The following GFRA1 variants were observed in gnomAD, a reference collection of about 807,000 sequenced individuals.
GFRA1 encodes GDNF family receptor alpha-1.
A neutral mutation model predicts 51.6 loss-of-function variants in GFRA1; 16 were observed. The observed-to-expected ratio is 0.31, with a 90% CI of 0.21 to 0.47. GFRA1 has a LOEUF of 0.47. GFRA1 is among the 20% of genes least tolerant of loss of function. The pLI is 1.00. For synonymous variants in GFRA1, 270 were observed against 241.3 expected (o/e 1.12, Z -1.10); for missense variants, 530 against 594.3 (o/e 0.89, Z 1.13).
At chr10:116,150,404 C>T (rs909428100) in intron 5 of GFRA1, among the ~76,000 whole-genome samples, 2 of 152,296 alleles carry the variant, frequency 1.3e-5, no homozygotes, top group East Asian at 3.9e-4. Context: ...TGCTGCAGTT[C>T]CCGGTCAATA....
chr10:116,270,583 T>C (rs778275888), intron 3 of GFRA1, among the ~76,000 whole-genome samples: 25 of 152,184 alleles, frequency 1.6e-4, no homozygotes, highest in Admixed American at 3.9e-4. Flanking sequence ...GTCAGCGGGG[T>C]CCCGGGGGTG....
intron 7 of GFRA1, among the ~76,000 whole-genome samples, chr10:116,096,356 G>T (rs1405709377): frequency 6.6e-6 from 1 of 151,902 alleles, no homozygotes; most frequent in Non-Finnish European, 1.5e-5. Context: ...CTCTGCTTTT[G>T]TTCTGCGTGG....
chr10:116,123,633 A>C (rs1957734892), intron 6 of GFRA1, among the ~76,000 whole-genome samples: 1 of 152,182 alleles, frequency 6.6e-6, no homozygotes, highest in African/African-American at 2.4e-5. Context: ...AACCAATAGG[A>C]AACAAGTACA....
intron 5 of GFRA1, among the ~76,000 whole-genome samples, chr10:116,139,004 C>T (rs1958450574): frequency 6.6e-6 from 1 of 152,172 alleles, no homozygotes; most frequent in African/African-American, 2.4e-5. Context: ...CACTCTGTCT[C>T]CCACAGGAAT....
At chr10:116,257,804 C>T (rs1037558486) in intron 4 of GFRA1, among the ~76,000 whole-genome samples, 1 of 152,226 alleles carries the variant, frequency 6.6e-6, no homozygotes, top group Non-Finnish European at 1.5e-5. Flanking sequence ...TTCCCATCTT[C>T]GATGACAAAG....
Position 116,270,824 on chromosome 10 carries a change from T to G in GFRA1, c.332A>C (p.Gln111Pro). 1.9e-6 allele frequency: 3 copies of G among 1,612,032 alleles called. No individual in the cohort carries two copies. The highest frequency in any genetic ancestry group is 2.5e-6 in the Non-Finnish European group (3 of 1,178,866). ...GGGTGGGGAGGTTCCACGCGTACCCTGCAGGCTCTGGTACATGCTCCAGTA... is the reference window on the plus strand; with the variant it reads ...GGGTGGGGAGGTTCCACGCGTACCCGGCAGGCTCTGGTACATGCTCCAGTA... ...RIYWSMYQSL[Q>P]GNDLLEDSPY... is the part of the protein sequence containing the mutation. The change falls in exon 3 of 11, where the codon CAG becomes CCG. Residue 111 changes from glutamine to proline, a missense_variant and splice_region_variant. Gln to Pro is a moderately conservative substitution (Grantham distance 76). Coordinates refer to ENST00000355422, the MANE Select transcript of GFRA1 (RefSeq NM_005264.8).
chr10:116,151,610 G>A (rs1959066845), intron 5 of GFRA1, among the ~76,000 whole-genome samples: 1 of 152,112 alleles, frequency 6.6e-6, no homozygotes, highest in African/African-American at 2.4e-5. Flanking sequence ...GGAAAATAGA[G>A]GGAAGAGGGA....
At chr10:116,259,155 A>G (rs868659076) in intron 4 of GFRA1, among the ~76,000 whole-genome samples, 1 of 152,214 alleles carries the variant, frequency 6.6e-6, no homozygotes, top group Non-Finnish European at 1.5e-5. Flanking sequence ...ATTTTCATAC[A>G]TTATTAACTG....
intron 5 of GFRA1, among the ~76,000 whole-genome samples, chr10:116,137,776 T>A (rs1481104765): frequency 2.6e-5 from 4 of 152,070 alleles, no homozygotes; most frequent in Non-Finnish European, 5.9e-5. Flanking sequence ...ATCTTAATAG[T>A]CAGATATGTG....
chr10:116,225,425 C>T lies in GFRA1; in HGVS notation c.419-13780G>A, dbSNP rs1027151225. Among the ~76,000 whole-genome samples, 4 of 149,040 alleles carry T rather than the reference C, an allele frequency of 2.7e-5. No individual in the cohort carries two copies. The South Asian group carries it at 6.5e-4, about 24-fold the overall frequency. On this transcript the variant is annotated intron_variant, in intron 4 of 10. Transcript: ENST00000355422. ...TGGCACGCACTTATAGTCCCTGCTA[C>T]TCGGGAGGCTGAGGCAGGAGAACTG...
In GFRA1 at chr10:116,269,589, A is replaced by G. The variant is rs769100013; in HGVS notation, c.335-3T>C. On this transcript the variant is annotated splice_region_variant and splice_polypyrimidine_tract_variant and intron_variant, in intron 3 of 10. Coordinates refer to ENST00000355422, the MANE Select transcript of GFRA1 (RefSeq NM_005264.8). Reference sequence around the variant, plus strand: ...GGAATCCTCCAGCAGATCATTTCCTAAAAACAACAGAAAGATTGGGCTCAG... The same window carrying G: ...GGAATCCTCCAGCAGATCATTTCCTGAAAACAACAGAAAGATTGGGCTCAG... The G allele has an allele frequency of 1.5e-5, 23 of 1,566,496 alleles. No individual in the cohort carries two copies. The highest frequency in any genetic ancestry group is 2.0e-5 in the Non-Finnish European group (23 of 1,136,716).
intron 2 of GFRA1, 142 bp from the exon 3 acceptor site, chr10:116,271,257 G>A (rs1843910472): frequency 1.6e-6 from 1 of 626,434 alleles, no homozygotes; most frequent in African/African-American, 1.8e-5. Context: ...TCCACCTCTC[G>A]ACCATCCGGG....
intron 5 of GFRA1, among the ~76,000 whole-genome samples, chr10:116,206,700 TCGGCTCACTGCAAGCTCCGCCTCCC>T (rs1451644257): frequency 7.1e-6 from 1 of 140,298 alleles, no homozygotes; most frequent in Non-Finnish European, 1.5e-5. Flanking sequence ...CCGCGCGATC[TCGGCTCACTGCAAGCTCCGCCTCCC>T]GGGTTCACGC....
At chr10:116,113,924 A>T (rs1589799291) in intron 6 of GFRA1, among the ~76,000 whole-genome samples, 1 of 151,916 alleles carries the variant, frequency 6.6e-6, no homozygotes, top group Non-Finnish European at 1.5e-5. Flanking sequence ...CACCCGCACC[A>T]CCGTCACCGC....
At chr10:116,255,548 T>G (rs1161727089) in intron 4 of GFRA1, 1 of 1,197,032 alleles carries the variant, frequency 8.4e-7, no homozygotes, top group East Asian at 6.1e-5. Context: ...TCACATCCAC[T>G]CAACACAGGA....
At chr10:116,166,460 G>A (rs10749193) in intron 5 of GFRA1, among the ~76,000 whole-genome samples, 150,611 of 152,230 alleles carry the variant, frequency 0.99, 74,521 homozygotes, top group East Asian at 1. Context: ...ACCGTTCCGT[G>A]GGACCACTTC....
At chr10:116,085,523 C>A (rs1288631374) in intron 9 of GFRA1, among the ~76,000 whole-genome samples, 1 of 152,152 alleles carries the variant, frequency 6.6e-6, no homozygotes, top group East Asian at 1.9e-4. Flanking sequence ...GGACCCCCAT[C>A]CTCCTCCCCG....
intron 5 of GFRA1, among the ~76,000 whole-genome samples, chr10:116,134,544 TAA>T (rs1439005786): frequency 1.3e-5 from 2 of 152,202 alleles, no homozygotes; most frequent in Non-Finnish European, 2.9e-5. Flanking sequence ...AAATTACATT[TAA>T]AAAGCACATG....
At chr10:116,106,123 T>C (rs986678278) in intron 6 of GFRA1, among the ~76,000 whole-genome samples, 7 of 152,094 alleles carry the variant, frequency 4.6e-5, no homozygotes, top group Admixed American at 6.5e-5. Flanking sequence ...TGAGCCTGCG[T>C]GGGGAAAGGC....
Sources: gnomAD v4.1 joint callset for allele counts (sites outside exome capture counted in the v4.1 genomes callset) on GRCh38, gnomAD v4.1.1 for gene constraint, MANE v1.5 for transcripts, NCBI Gene and HGNC (gene_info 2026-07-23, HGNC 2026-07-21) for gene names.